The following EXOC3 variants were observed in gnomAD, a reference collection of about 807,000 sequenced individuals.
EXOC3 encodes exocyst complex component 3, also known as SEC6-like 1.
EXOC3 carries 21 observed loss-of-function variants against 73.7 expected under a neutral mutation model. The observed-to-expected ratio is 0.29, with a 90% CI of 0.20 to 0.41. EXOC3 has a LOEUF of 0.41. EXOC3 is among the 10% of genes least tolerant of loss of function. The pLI is 1.00. For synonymous variants in EXOC3, 410 were observed against 389.1 expected (o/e 1.05, Z -0.63); for missense variants, 842 against 985.1 (o/e 0.85, Z 1.95).
Position 464,271 on chromosome 5 carries a change from A to T in EXOC3, c.1654-19A>T. On this transcript the variant is annotated intron_variant, in intron 9 of 12. Transcript: ENST00000512944. ...GGACGTTGAGGTGATGATTTCTATG[A>T]TCTGTTTCTGCTTTTCAGCAACATC... 2 of 1,611,080 alleles carry T rather than the reference A, an allele frequency of 1.2e-6. No homozygotes were observed. The highest frequency in any genetic ancestry group is 1.7e-6 in the Non-Finnish European group (2 of 1,177,990).
chr5:466,557 G>A, intron 12 of EXOC3, 170 bp from the exon 13 acceptor site: 1 of 596,028 alleles, frequency 1.7e-6, no homozygotes, highest in South Asian at 2.3e-5. Flanking sequence ...GACAGAGTAA[G>A]ATGAAAATGC....
At chr5:466,187 CTG>C (rs1206847771) in intron 12 of EXOC3, 2 of 326,902 alleles carry the variant, frequency 6.1e-6, no homozygotes, top group African/African-American at 4.3e-5. Flanking sequence ...GAAGTTTCCT[CTG>C]TGCTCATGGT....
intron 4 of EXOC3, among the ~76,000 whole-genome samples, chr5:455,052 T>C (rs1737770376): frequency 6.6e-6 from 1 of 152,222 alleles, no homozygotes; most frequent in Admixed American, 6.5e-5. Flanking sequence ...CGTGGCGCTC[T>C]GTGCAACTGT....
chr5:455,317 T>A (rs1467596491), intron 4 of EXOC3, among the ~76,000 whole-genome samples: 1 of 152,242 alleles, frequency 6.6e-6, no homozygotes, highest in African/African-American at 2.4e-5. Flanking sequence ...GTCTTGATTT[T>A]GTCTTTCCAC....
chr5:450,225 G>C (rs190649468), intron 3 of EXOC3, among the ~76,000 whole-genome samples: 7 of 152,346 alleles, frequency 4.6e-5, no homozygotes, highest in Admixed American at 6.5e-5. Context: ...CAGCCAGGGG[G>C]ACAAGAGCGA....
chr5:462,095 G>C (rs373753725), intron 8 of EXOC3, 25 bp downstream of exon 8: 428 of 1,593,630 alleles, frequency 2.7e-4, no homozygotes, highest in Middle Eastern at 1.5e-3. Flanking sequence ...GCGCTGTGGC[G>C]GGGGAGCGGT....
chr5:466,990 GCTC>G lies in EXOC3; in HGVS notation c.*95_*97del. 1.6e-6 allele frequency: 2 copies of G among 1,256,558 alleles called. No homozygotes were observed. Among genetic ancestry groups the G allele is most frequent in the Non-Finnish European group, 2.2e-6 (2 of 905,964 alleles). 77.8% of individuals were successfully genotyped at this position (1,256,558 alleles called of 1,614,324 possible). On this transcript the variant is annotated 3_prime_UTR_variant, in exon 13 of 13. Coordinates refer to ENST00000512944, the MANE Select transcript of EXOC3 (RefSeq NM_007277.5). The stretch of plus-strand genomic sequence containing the variant: ...CTGATTGCTCTCCTTGGCCACACGT[GCTC>G]CTTTTAGCTGCACGGCCTGTCTTTA...
chr5:466,439 G>A (rs1464554967), intron 12 of EXOC3: 3 of 394,152 alleles, frequency 7.6e-6, no homozygotes, highest in Middle Eastern at 1.3e-3. Context: ...CTGGTTAAAC[G>A]TGGAAAAACG....
rs1405397638 is a variant in EXOC3, at chr5:462,178, A to G, written c.1524A>G (p.Lys508=). 5 of 1,614,000 alleles carry G rather than the reference A, an allele frequency of 3.1e-6. No individual in the cohort carries two copies. In the South Asian group the frequency reaches 5.5e-5, roughly 18 times the overall value. The change falls in exon 9 of 13, where the codon AAA becomes AAG. Residue 508 remains lysine, a synonymous_variant. Transcript: ENST00000512944. ...QTFKESIVSL[K]RKYLKNEVEE... ...GCAGGGAATCCATAGTCAGTTTAAA[A>G]AGAAAGTATTTAAAGAATGAAGTGG...
In EXOC3 at chr5:456,618, C is replaced by T. The variant is rs191525938; in HGVS notation, c.1047-271C>T. 6.1e-4 allele frequency among the ~76,000 whole-genome samples: 93 copies of T among 152,296 alleles called. 1 individual carries two copies. The highest frequency in any genetic ancestry group is 2.1e-3 in the African/African-American group (87 of 41,560). On this transcript the variant is annotated intron_variant, in intron 4 of 12. Transcript: ENST00000512944. ...GTGGTCTCGGAGCCAGTGGGTGATGCCACAGAGACCCCAAAGCCCTCGGCC... is the reference window on the plus strand; with the variant it reads ...GTGGTCTCGGAGCCAGTGGGTGATGTCACAGAGACCCCAAAGCCCTCGGCC...
At chr5:456,696 G>C (rs758541976) in intron 4 of EXOC3, among the ~76,000 whole-genome samples, 193 bp from the exon 5 acceptor site, 134 of 149,926 alleles carry the variant, frequency 8.9e-4, no homozygotes, top group Non-Finnish European at 1.7e-3. Context: ...GGGAGCCAGT[G>C]GGGTGATGCC....
In EXOC3 at chr5:465,201, C is replaced by A; in HGVS notation, c.1867C>A (p.Arg623Ser). The change falls in exon 11 of 13, where the codon CGC becomes AGC. Residue 623 changes from arginine (R) to serine (S), a missense_variant. Coordinates refer to ENST00000512944, the MANE Select transcript of EXOC3 (RefSeq NM_007277.5). ...KRISFRSPEE[R>S]KEGAEKMVRE... ...CATTTCCTTCCGGAGCCCGGAGGAG[C>A]GCAAGGAGGGTGCCGAGAAGATGGT... is the stretch of plus-strand genomic sequence containing the variant. 6.3e-7 allele frequency: 1 copy of A among 1,594,578 alleles called. No individual in the cohort carries two copies. Among genetic ancestry groups the A allele is most frequent in the South Asian group, 1.1e-5 (1 of 87,796 alleles).
At chr5:454,093 C>T (rs1579737596) in intron 4 of EXOC3, 42 bp downstream of exon 4, 1 of 1,503,820 alleles carries the variant, frequency 6.6e-7, no homozygotes, top group Admixed American at 2.1e-5. Context: ...TAGGTAGAAG[C>T]CGTGTGTGAG....
At chr5:449,138 C>T (rs1482195224) in intron 3 of EXOC3, among the ~76,000 whole-genome samples, 1 of 152,210 alleles carries the variant, frequency 6.6e-6, no homozygotes, top group Non-Finnish European at 1.5e-5. Context: ...ATTTCCTTTC[C>T]TTGGTGAACA....
Position 464,446 on chromosome 5 carries a change from T to C in EXOC3, c.1776+34T>C, listed in dbSNP as rs746814941. The C allele has an allele frequency of 6.8e-6, 11 of 1,608,264 alleles. No individual in the cohort carries two copies. In the East Asian group the frequency reaches 2.0e-4, roughly 29 times the overall value. On this transcript the variant is annotated intron_variant, in intron 10 of 12. Transcript: ENST00000512944. Reference sequence around the variant, plus strand: ...GTGGGACCTAGTTCCCTCATCACCTTGACGCTAGGGCTCACCTCTCACCCT... The same window carrying C: ...GTGGGACCTAGTTCCCTCATCACCTCGACGCTAGGGCTCACCTCTCACCCT...
intron 12 of EXOC3, chr5:466,345 C>T (rs918025623): frequency 4.5e-4 from 116 of 256,484 alleles, no homozygotes; most frequent in Non-Finnish European, 7.1e-4. Context: ...CCAGCCTTTG[C>T]GGCCCCTGTC....
intron 1 of EXOC3, among the ~76,000 whole-genome samples, chr5:445,353 C>T (rs1326545165): frequency 2.0e-4 from 28 of 139,616 alleles, no homozygotes; most frequent in East Asian, 8.3e-4. Context: ...CTTTTTTTTT[C>T]TTTTTTTTTT....
rs775229196 is a variant in EXOC3, at chr5:447,648, G to C, written c.260G>C (p.Arg87Thr). The C allele has an allele frequency of 6.3e-7, 1 of 1,586,646 alleles. No individual in the cohort carries two copies. Among genetic ancestry groups the C allele is most frequent in the Admixed American group, 1.8e-5 (1 of 56,012 alleles). ...CTGGCAGACGTCAGCAAGGACTGGA[G>C]GCAGAGCATCAACACCATTGAGAGC... Reference protein sequence around the residue: ...QSLADVSKDWRQSINTIESLK... With the variant: ...QSLADVSKDWTQSINTIESLK... The change falls in exon 3 of 13, where the codon AGG becomes ACG. Residue 87 changes from arginine (R) to threonine (T), a missense_variant. Physicochemically the swap from Arg to Thr is moderately conservative, Grantham distance 71. Transcript: ENST00000512944.
intron 7 of EXOC3, among the ~76,000 whole-genome samples, chr5:460,692 C>T (rs1179678074): frequency 6.6e-6 from 1 of 151,872 alleles, no homozygotes; most frequent in African/African-American, 2.4e-5. Context: ...GCCAAGTCCC[C>T]ATTGGCCTTC....
Sources: gnomAD v4.1 joint callset for allele counts (sites outside exome capture counted in the v4.1 genomes callset) on GRCh38, gnomAD v4.1.1 for gene constraint, MANE v1.5 for transcripts, NCBI Gene and HGNC (gene_info 2026-07-23, HGNC 2026-07-21) for gene names.